Variants in PLXNB2 observed in about 807,000 individuals in gnomAD.
PLXNB2 encodes plexin B2.
In PLXNB2, 85 loss-of-function variants were observed where a neutral mutation model predicts 202.6. That is an observed-to-expected ratio of 0.42 (90% confidence interval 0.35 to 0.50). The LOEUF is 0.50. PLXNB2 is among the 20% of genes least tolerant of loss of function. The pLI is 0.02. For synonymous variants in PLXNB2, 1,239 were observed against 1,137.6 expected (o/e 1.09, Z -1.79); for missense variants, 2,063 against 2,586.2 (o/e 0.80, Z 4.39).
rs1016421681 is a variant in PLXNB2 at position 50,298,000 on chromosome 22, C to A, written c.-73-3222G>T. On this transcript the variant is annotated intron_variant, in intron 1 of 36. Transcript: ENST00000359337. This position sits in a 1 kb window ranked among gnomAD's most constrained non-coding sequence, Gnocchi z 5.3. ...ATCCTTTAGACCCCGAGACACCCTC[C>A]CTAACCCAGCCCCTGAGGGACTGGC... Among the ~76,000 whole-genome samples, 1 of 152,208 alleles carries A rather than the reference C, an allele frequency of 6.6e-6. No individual in the cohort carries two copies. The highest frequency in any genetic ancestry group is 1.5e-5 in the Non-Finnish European group (1 of 68,040).
Position 50,282,894 on chromosome 22 carries a change from G to T in PLXNB2, c.2817-13C>A. 6.2e-7 allele frequency: 1 copy of T among 1,604,400 alleles called. No homozygotes were observed. The highest frequency in any genetic ancestry group is 8.5e-7 in the Non-Finnish European group (1 of 1,174,648). The stretch of plus-strand genomic sequence containing the variant: ...CCCAAACTTCGTCCTGGGGGAGGGA[G>T]GGTGCTGGTCTGCATCAACCCCTCC... On this transcript the variant is annotated splice_polypyrimidine_tract_variant and intron_variant, in intron 17 of 36. Transcript: ENST00000359337.
Position 50,287,731 on chromosome 22 carries a change from C to T in PLXNB2, c.1544G>A (p.Ser515Asn). The T allele has an allele frequency of 6.3e-7, 1 of 1,577,206 alleles. No homozygotes were observed. The highest frequency in any genetic ancestry group is 1.1e-5 in the South Asian group (1 of 87,236). ...GCTGGTGACGGCCACGCAGGACTTG[C>T]TTCGGCTCCACAGCCAGTGGCTGGC... ...EEASHWLWSR[S>N]KSCVAVTSAQ... The change falls in exon 7 of 37, where the codon AGC becomes AAC. Residue 515 changes from serine to asparagine, a missense_variant. By Grantham distance (46) the Ser-to-Asn change is conservative. Coordinates refer to ENST00000359337, the MANE Select transcript of PLXNB2 (RefSeq NM_012401.4).
chr22:50,301,801 G>A (rs537721189), intron 1 of PLXNB2, among the ~76,000 whole-genome samples: 5 of 152,338 alleles, frequency 3.3e-5, no homozygotes, highest in South Asian at 2.1e-4. Flanking sequence ...GCCTGTCAGC[G>A]CCTCAGCGGT....
In PLXNB2 at chr22:50,298,058, G is replaced by T. The variant is rs569048740; in HGVS notation, c.-73-3280C>A. On this transcript the variant is annotated intron_variant, in intron 1 of 36. Coordinates refer to ENST00000359337, the MANE Select transcript of PLXNB2 (RefSeq NM_012401.4). ...TGTGGTCTATGGTCTTCCCCGACAG[G>T]CCCCGGCTGCCCCGCCGCCCTGCCC... 1.1e-4 allele frequency among the ~76,000 whole-genome samples: 16 copies of T among 152,222 alleles called. No homozygotes were observed. The East Asian group carries it at 2.7e-3, about 26-fold the overall frequency.
In PLXNB2 at chr22:50,281,857, GGC is replaced by G; in HGVS notation, c.3340_3341del (p.Ala1114ProfsTer36). On this transcript the variant is annotated frameshift_variant, in exon 20 of 37. Coordinates refer to ENST00000359337, the MANE Select transcript of PLXNB2 (RefSeq NM_012401.4). LOFTEE classifies it high-confidence loss of function. Reference protein sequence around the residue: ...VKKQVNKLIHARGTNLNKAMT... With the variant: ...VKKQVNKLIHXRGTNLNKAMT... ...CCCGGGGCTGCACCGTCCTCACCCG[GGC>G]GTGGATGAGCTTGTTGACCTGCTTC... 6.2e-7 allele frequency: 1 copy of G among 1,611,652 alleles called. No individual in the cohort carries two copies.
rs752028825 is a variant in PLXNB2, at chr22:50,289,511, C to T, written c.1068+6G>A. 9.4e-6 allele frequency: 15 copies of T among 1,603,538 alleles called. No individual in the cohort carries two copies. In the South Asian group the frequency reaches 1.7e-4, roughly 18 times the overall value. ...GGGCCCTGCGAGAACACACTGAGGCCCATACCGGCGCGTGGCCGCCGCACT... is the reference window on the plus strand; with the variant it reads ...GGGCCCTGCGAGAACACACTGAGGCTCATACCGGCGCGTGGCCGCCGCACT... On this transcript the variant is annotated splice_donor_region_variant and intron_variant, in intron 3 of 36. Transcript: ENST00000359337. This position sits in a 1 kb window ranked among gnomAD's most constrained non-coding sequence, Gnocchi z 8.0.
rs572649940 is a variant in PLXNB2, at chr22:50,275,819, G to A, written c.5413-11C>T. The stretch of plus-strand genomic sequence containing the variant: ...CAAGGCATTGATGATCTGAGGGAGG[G>A]TCGCATCAGAGCACACCGGGGGACC... On this transcript the variant is annotated splice_polypyrimidine_tract_variant and intron_variant, in intron 36 of 36. Transcript: ENST00000359337. 3 of 1,608,054 alleles carry A rather than the reference G, an allele frequency of 1.9e-6. No homozygotes were observed. Among genetic ancestry groups the A allele is most frequent in the African/African-American group, 1.3e-5 (1 of 74,904 alleles).
Position 50,288,157 on chromosome 22 carries a change from G to GA in PLXNB2, c.1381-121dup, listed in dbSNP as rs1282879485. On this transcript the variant is annotated intron_variant, in intron 5 of 36. Transcript: ENST00000359337. This position sits in a 1 kb window ranked among gnomAD's most constrained non-coding sequence, Gnocchi z 5.0. ...CTGTCCCGGGGCCTCGGGAGCCTCA[G>GA]ACACCTCAGGCTTGATATTAAACAG... The GA allele has an allele frequency of 1.3e-5, 9 of 705,804 alleles. No individual in the cohort carries two copies. In the East Asian group the frequency reaches 2.5e-4, roughly 19 times the overall value. 43.7% of individuals were successfully genotyped at this position (705,804 alleles called of 1,614,324 possible).
Position 50,281,479 on chromosome 22 carries a change from C to T in PLXNB2, c.3543G>A (p.Glu1181=). The T allele has an allele frequency of 1.9e-6, 3 of 1,612,194 alleles. No homozygotes were observed. Among genetic ancestry groups the T allele is most frequent in the Non-Finnish European group, 2.5e-6 (3 of 1,179,670 alleles). Residue 1181 remains glutamate (E), a synonymous_variant, in exon 22 of 37, where the codon GAG becomes GAA. Coordinates refer to ENST00000359337, the MANE Select transcript of PLXNB2 (RefSeq NM_012401.4). ...PEFIVKFGSR[E]WVLGRVEYDT... is the part of the protein sequence containing the mutation. Reference sequence around the variant, plus strand: ...CGTACTCCACGCGGCCCAGCACCCACTCGCGAGAGCCGAACTTCACCTGTG... The same window carrying T: ...CGTACTCCACGCGGCCCAGCACCCATTCGCGAGAGCCGAACTTCACCTGTG...
rs1175436747 is a variant in PLXNB2 at position 50,288,060 on chromosome 22, G to A, written c.1381-23C>T. 6.5e-7 allele frequency: 1 copy of A among 1,535,328 alleles called. No individual in the cohort carries two copies. Among genetic ancestry groups the A allele is most frequent in the African/African-American group, 1.4e-5 (1 of 72,814 alleles). On this transcript the variant is annotated intron_variant, in intron 5 of 36. Coordinates refer to ENST00000359337, the MANE Select transcript of PLXNB2 (RefSeq NM_012401.4). This position sits in a 1 kb window ranked among gnomAD's most constrained non-coding sequence, Gnocchi z 5.0. ...CACCTAGGGCAGCGGGGCCGTGAGT[G>A]GGACCACAGCAGAGGCCGCACGGGC...
chr22:50,284,922 A>G lies in PLXNB2; in HGVS notation c.2089-257T>C, dbSNP rs1301132687. On this transcript the variant is annotated intron_variant, in intron 11 of 36. Coordinates refer to ENST00000359337, the MANE Select transcript of PLXNB2 (RefSeq NM_012401.4). This position sits in a 1 kb window ranked among gnomAD's most constrained non-coding sequence, Gnocchi z 8.0. ...CCACCACTCATCCACACCTGAGAAC[A>G]TCGCCCGGCCCACCTGACATCGTGG... The G allele has an allele frequency of 5.0e-6, 3 of 601,056 alleles. No homozygotes were observed. The highest frequency in any genetic ancestry group is 3.1e-5 in the South Asian group (2 of 65,430). The allele number at this position is 601,056 out of a possible 1,614,324, so 37.2% of individuals were successfully genotyped here. A position where few individuals can be genotyped will look rare whatever the true frequency, so the allele number is the denominator to read the frequency against.
Position 50,282,901 on chromosome 22 carries a change from G to C in PLXNB2, c.2817-20C>G. The C allele has an allele frequency of 6.3e-7, 1 of 1,596,574 alleles. No homozygotes were observed. The highest frequency in any genetic ancestry group is 1.3e-5 in the African/African-American group (1 of 74,584). ...TTCGTCCTGGGGGAGGGAGGGTGCT[G>C]GTCTGCATCAACCCCTCCCCCGGGA... On this transcript the variant is annotated intron_variant, in intron 17 of 36. Transcript: ENST00000359337.
At chr22:50,298,846 G>C (rs2067464786) in intron 1 of PLXNB2, among the ~76,000 whole-genome samples, 1 of 152,210 alleles carries the variant, frequency 6.6e-6, no homozygotes, top group Admixed American at 6.5e-5. Flanking sequence ...GGGCTTCACC[G>C]TGTTGCCCAG....
At chr22:50,305,425 C>T (rs1246524143) in intron 1 of PLXNB2, among the ~76,000 whole-genome samples, 1 of 152,216 alleles carries the variant, frequency 6.6e-6, no homozygotes, top group Non-Finnish European at 1.5e-5. Flanking sequence ...GGACCCAGAG[C>T]GCCAGGTAGC....
In PLXNB2 at chr22:50,278,028, G is replaced by A. The variant is rs754437179; in HGVS notation, c.4888-15C>T. The A allele has an allele frequency of 2.1e-5, 33 of 1,605,732 alleles. No homozygotes were observed. The South Asian group carries it at 3.2e-4, about 16-fold the overall frequency. On this transcript the variant is annotated splice_polypyrimidine_tract_variant and intron_variant, in intron 31 of 36. Transcript: ENST00000359337. ...TGCAGTGTGCCCTGTGGGGGGGAGG[G>A]TCTCAGCGTGACGCCGTGGGCGCGG...
In PLXNB2 at chr22:50,277,873, G is replaced by C; in HGVS notation, c.5028C>G (p.Ile1676Met). The C allele has an allele frequency of 6.2e-7, 1 of 1,613,120 alleles. No individual in the cohort carries two copies. The highest frequency in any genetic ancestry group is 8.5e-7 in the Non-Finnish European group (1 of 1,179,934). ...EKHNIQDEDT[I>M]HIWKTNSLPL... Reference sequence around the variant, plus strand: ...CTCACCTGTTCGTCTTCCAGATGTGGATGGTGTCTTCATCCTGGATGTTGT... The same window carrying C: ...CTCACCTGTTCGTCTTCCAGATGTGCATGGTGTCTTCATCCTGGATGTTGT... Residue 1676 changes from isoleucine (I) to methionine (M), a missense_variant, in exon 32 of 37, where the codon ATC (isoleucine) becomes ATG (methionine). Physicochemically the swap from Ile to Met is conservative, Grantham distance 10 (BLOSUM62 1). Transcript: ENST00000359337.
chr22:50,278,203 C>A lies in PLXNB2; in HGVS notation c.4801G>T (p.Gly1601Cys), dbSNP rs991246172. 6.2e-7 allele frequency: 1 copy of A among 1,608,852 alleles called. No homozygotes were observed. Among genetic ancestry groups the A allele is most frequent in the African/African-American group, 1.3e-5 (1 of 75,044 alleles). Residue 1601 changes from glycine (G) to cysteine (C), a missense_variant, in exon 31 of 37, where the codon GGC becomes TGC. Gly to Cys is a radical substitution (Grantham distance 159). Transcript: ENST00000359337. ...LVRPTDEVDE[G>C]KSKRGSVKEK... ...TTCACGCTGCCTCTCTTGGACTTGC[C>A]CTCGTCCACCTCGTCGGTCGGCCGC...
chr22:50,282,106 C>A, intron 19 of PLXNB2, 25 bp from the exon 20 acceptor site: 1 of 1,604,352 alleles, frequency 6.2e-7, no homozygotes, highest in African/African-American at 1.3e-5. Flanking sequence ...CAGCTGTCAG[C>A]CCCCGGGCGC....
Position 50,301,314 on chromosome 22 carries a change from G to C in PLXNB2, c.-74+6239C>G, listed in dbSNP as rs28672270. On this transcript the variant is annotated intron_variant, in intron 1 of 36. Coordinates refer to ENST00000359337, the MANE Select transcript of PLXNB2 (RefSeq NM_012401.4). ...CCCTCTTGCTACACCGTGGTCCTTC[G>C]GGTCAGAAAGCTGGGCAGCGCAATG... The C allele has an allele frequency of 4.2e-3, 3,410 of 813,252 alleles. 97 individuals are homozygous for C. The African/African-American group carries it at 0.058, about 14-fold the overall frequency. The allele number at this position is 813,252 out of a possible 1,614,324, so 50.4% of individuals were successfully genotyped here. A position where few individuals can be genotyped will look rare whatever the true frequency, so the allele number is the denominator to read the frequency against.
Sources: gnomAD v4.1 joint callset for allele counts (sites outside exome capture counted in the v4.1 genomes callset) on GRCh38, gnomAD v4.1.1 for gene constraint, Gnocchi (gnomAD v3.1) non-coding constraint, MANE v1.5 for transcripts, NCBI Gene and HGNC (gene_info 2026-07-23, HGNC 2026-07-21) for gene names.